The following ULK1 variants were observed in gnomAD, a reference collection of about 807,000 sequenced individuals.
The protein encoded by ULK1 is unc-51 like autophagy activating kinase 1.
A neutral mutation model predicts 117.5 loss-of-function variants in ULK1; 48 were observed. That is an observed-to-expected ratio of 0.41 (90% CI 0.32 to 0.52). ULK1 has a LOEUF of 0.52. ULK1 is among the 20% of genes least tolerant of loss of function. The probability of loss-of-function intolerance (pLI) is 0.29; values close to 1 mark genes in which losing one functional copy is unlikely to be tolerated. For synonymous variants in ULK1, 790 were observed against 637.8 expected (o/e 1.24, Z -3.60); for missense variants, 1,387 against 1,473.4 (o/e 0.94, Z 0.96).
intron 3 of ULK1, chr12:131,897,383 ATCGAGTCCCGCTGCCCTCCGTT>A (rs1846542367): frequency 6.6e-6 from 1 of 152,090 alleles, no homozygotes; most frequent in Non-Finnish European, 1.5e-5. Flanking sequence ...CCTGCCCCCG[ATCGAGTCCCGCTGCCCTCCGTT>A]CTCAGGCCCC....
In ULK1 at chr12:131,921,559, G is replaced by C. The variant is rs1593279491; in HGVS notation, c.*198G>C. 1 of 751,904 alleles carries C rather than the reference G, an allele frequency of 1.3e-6. No individual in the cohort carries two copies. Among genetic ancestry groups the C allele is most frequent in the South Asian group, 1.7e-5 (1 of 58,374 alleles). 46.6% of individuals were successfully genotyped at this position (751,904 alleles called of 1,614,324 possible). ...AGCACATCTGGAGCCACACAGCTTG[G>C]GGGGTGTCTCCCATCTTTTACAGGT... On this transcript the variant is annotated 3_prime_UTR_variant, in exon 28 of 28. Coordinates refer to ENST00000321867, the MANE Select transcript of ULK1 (RefSeq NM_003565.4).
intron 23 of ULK1, among the ~76,000 whole-genome samples, chr12:131,918,900 G>GGGGGGTGGGGGGTA (rs1890009169): frequency 9.2e-6 from 1 of 109,208 alleles, no homozygotes; most frequent in African/African-American, 4.3e-5. Context: ...TGTAGGGTGT[G>GGGGGGTGGGGGGTA]GGGTGTAGGG....
rs542798979 is a variant in ULK1, at chr12:131,906,976, G to A, written c.279+52G>A. 10 of 1,612,358 alleles carry A rather than the reference G, an allele frequency of 6.2e-6. No individual in the cohort carries two copies. The South Asian group carries it at 1.1e-4, about 18-fold the overall frequency. ...GTGCAGGCTGATGGCCATGGCCCTG[G>A]GAGCCCCACAGGGAGGGACATGGCT... On this transcript the variant is annotated intron_variant, in intron 4 of 27. Transcript: ENST00000321867.
rs1277719762 is a variant in ULK1, at chr12:131,902,466, G to A, written c.247-4426G>A. ...CCTGGCTCTGGCCGGCCGTGGGTGC[G>A]TGTGTGCAGGGTGTGGGGGCCGGCC... On this transcript the variant is annotated intron_variant, in intron 3 of 27. Coordinates refer to ENST00000321867, the MANE Select transcript of ULK1 (RefSeq NM_003565.4). This position sits in a 1 kb window ranked among gnomAD's most constrained non-coding sequence, Gnocchi z 6.3. Among the ~76,000 whole-genome samples the A allele has an allele frequency of 1.3e-5, 2 of 152,176 alleles. No individual in the cohort carries two copies. Among genetic ancestry groups the A allele is most frequent in the African/African-American group, 2.4e-5 (1 of 41,426 alleles).
intron 8 of ULK1, 52 bp from the exon 9 acceptor site, chr12:131,909,723 C>A: frequency 6.6e-7 from 1 of 1,513,544 alleles, no homozygotes. Flanking sequence ...ACCCCGTGGG[C>A]TGGTCCCGCT....
At chr12:131,920,986 A>T (rs1298825677) in intron 26 of ULK1, 114 bp from the exon 27 acceptor site, 1 of 1,401,412 alleles carries the variant, frequency 7.1e-7, no homozygotes, top group East Asian at 2.5e-5. Flanking sequence ...TCTCCACGTC[A>T]CTGCCCTGAG....
intron 20 of ULK1, among the ~76,000 whole-genome samples, 164 bp downstream of exon 20, chr12:131,916,755 C>T (rs1889807097): frequency 6.6e-6 from 1 of 152,186 alleles, no homozygotes; most frequent in Non-Finnish European, 1.5e-5. Context: ...CCACCTGTGG[C>T]TGGCCCTAGA....
In ULK1 at chr12:131,916,270, G is replaced by C. The variant is rs184566532; in HGVS notation, c.1878+111G>C. The C allele has an allele frequency of 1.1e-4, 160 of 1,517,402 alleles. 1 individual carries two copies. The East Asian group carries it at 3.4e-3, about 33-fold the overall frequency. The allele number at this position is 1,517,402 out of a possible 1,614,324, so 94.0% of individuals were successfully genotyped here. On this transcript the variant is annotated intron_variant, in intron 19 of 27. Transcript: ENST00000321867. Reference sequence around the variant, plus strand: ...GGCAGCTCTGTACCTTTTGACCCCCGCCTGGGCTCATGCTCAGGCTGCTCC... The same window carrying C: ...GGCAGCTCTGTACCTTTTGACCCCCCCCTGGGCTCATGCTCAGGCTGCTCC...
chr12:131,910,032 C>T (rs541645824), intron 10 of ULK1, 31 bp downstream of exon 10: 1 of 1,607,250 alleles, frequency 6.2e-7, no homozygotes, highest in African/African-American at 1.3e-5. Context: ...CAGCTGGAGT[C>T]CCCCACCCTC....
intron 10 of ULK1, 85 bp from the exon 11 acceptor site, chr12:131,910,169 G>A (rs1013504285): frequency 2.4e-5 from 38 of 1,591,136 alleles, no homozygotes; most frequent in South Asian, 6.6e-5. Flanking sequence ...TGCCCAACGC[G>A]GCTGGAGCTC....
Position 131,895,032 on chromosome 12 carries a change from G to T in ULK1, c.31G>T (p.Val11Leu), listed in dbSNP as rs1431066730. The change falls in exon 1 of 28, where the codon GTG (valine) becomes TTG (leucine). Residue 11 changes from valine (V) to leucine (L), a missense_variant. By Grantham distance (32) the Val-to-Leu change is conservative (BLOSUM62 1). Transcript: ENST00000321867. MEPGRGGTET[V>L]GKFEFSRKDL... ...GCCCGGCCGCGGCGGCACAGAGACC[G>T]TGGGCAAGTTCGAGTTCTCCCGCAA... 10 of 1,516,088 alleles carry T rather than the reference G, an allele frequency of 6.6e-6. No homozygotes were observed. The highest frequency in any genetic ancestry group is 8.8e-6 in the Non-Finnish European group (10 of 1,132,444). 93.9% of individuals were successfully genotyped at this position (1,516,088 alleles called of 1,614,324 possible).
Position 131,909,941 on chromosome 12 carries a change from C to A in ULK1, c.748C>A (p.Pro250Thr). ...CAGCATCCCCCGGGAGACCTCGGCC[C>A]CGCTGCGGCAGCTGCTCCTGGCCCT... ...VPTIPRETSA[P>T]LRQLLLALLQ... The change falls in exon 10 of 28, where the codon CCG becomes ACG. Residue 250 changes from proline (P) to threonine (T), a missense_variant. Pro to Thr is a conservative substitution (Grantham distance 38). Transcript: ENST00000321867. The A allele has an allele frequency of 6.2e-7, 1 of 1,612,122 alleles. No individual in the cohort carries two copies. Among genetic ancestry groups the A allele is most frequent in the Non-Finnish European group, 8.5e-7 (1 of 1,179,830 alleles).
At chr12:131,898,051 A>G (rs549986641) in intron 3 of ULK1, 1 of 152,184 alleles carries the variant, frequency 6.6e-6, no homozygotes, top group Non-Finnish European at 1.5e-5. Flanking sequence ...TTGCGGTCCT[A>G]TTTCTTCCTC....
rs555295917 is a variant in ULK1, at chr12:131,909,071, C to T, written c.565-65C>T. 6.0e-5 allele frequency: 97 copies of T among 1,606,034 alleles called. No homozygotes were observed. The African/African-American group carries it at 1.2e-3, about 20-fold the overall frequency. On this transcript the variant is annotated intron_variant, in intron 7 of 27. Coordinates refer to ENST00000321867, the MANE Select transcript of ULK1 (RefSeq NM_003565.4). ...GCGCTCTGCTCTGGTTGGCTGTGGC[C>T]TGGCGGGCACCTTCTGTGGTTGGCG...
chr12:131,900,135 A>C (rs980424678), intron 3 of ULK1, among the ~76,000 whole-genome samples: 1 of 151,708 alleles, frequency 6.6e-6, no homozygotes, highest in African/African-American at 2.4e-5. Flanking sequence ...AAAAAAAAAA[A>C]AAACTGTTGT....
chr12:131,906,059 T>TGCGTCAACCTGGCA (rs1889260203), intron 3 of ULK1, among the ~76,000 whole-genome samples: 1 of 150,932 alleles, frequency 6.6e-6, no homozygotes, highest in African/African-American at 2.4e-5. Flanking sequence ...CGCAGGCCTC[T>TGCGTCAACCTGGCA]GCGTCAACCT....
At position 131,922,840 on chromosome 12, in the gene ULK1, A is replaced by G. The variant is rs924884214; in HGVS notation, c.*1479A>G. On this transcript the variant is annotated 3_prime_UTR_variant, in exon 28 of 28. Coordinates refer to ENST00000321867, the MANE Select transcript of ULK1 (RefSeq NM_003565.4). Reference sequence around the variant, plus strand: ...AAATCCCCGTGACTTCTTCCTCATCACCTTGATGGCTTTATTCTCACCTTG... The same window carrying G: ...AAATCCCCGTGACTTCTTCCTCATCGCCTTGATGGCTTTATTCTCACCTTG... The G allele has an allele frequency of 6.6e-5, 10 of 152,314 alleles. No individual in the cohort carries two copies. Among genetic ancestry groups the G allele is most frequent in the African/African-American group, 2.4e-4 (10 of 41,388 alleles). 9.4% of individuals were successfully genotyped at this position (152,314 alleles called of 1,614,324 possible).
rs373988299 is a variant in ULK1, at chr12:131,908,839, C to T, written c.490+22C>T. ...ATCGGTCAGCCCGCGGGCAGGCAGG[C>T]GGGCCCGGCGGGGAGGGGCTCCGGG... On this transcript the variant is annotated intron_variant, in intron 6 of 27. Coordinates refer to ENST00000321867, the MANE Select transcript of ULK1 (RefSeq NM_003565.4). The T allele has an allele frequency of 1.9e-5, 31 of 1,604,318 alleles. No homozygotes were observed. The African/African-American group carries it at 2.7e-4, about 14-fold the overall frequency.
intron 15 of ULK1, 28 bp downstream of exon 15, chr12:131,913,864 G>A (rs1441358300): frequency 1.3e-6 from 2 of 1,487,168 alleles, no homozygotes; most frequent in South Asian, 2.7e-5. Flanking sequence ...CTGGGTGGAT[G>A]GGGCTGTGAA....
Sources: gnomAD v4.1 joint callset for allele counts (sites outside exome capture counted in the v4.1 genomes callset) on GRCh38, gnomAD v4.1.1 for gene constraint, Gnocchi (gnomAD v3.1) non-coding constraint, MANE v1.5 for transcripts, NCBI Gene and HGNC (gene_info 2026-07-23, HGNC 2026-07-21) for gene names.